PITPNM3: variants seen among roughly 807,000 people sequenced by gnomAD.
The protein encoded by PITPNM3 is membrane-associated phosphatidylinositol transfer protein 3.
In PITPNM3, 26 loss-of-function variants were observed where a neutral mutation model predicts 102.0. The observed-to-expected ratio is 0.25, with a 90% CI of 0.19 to 0.35. The LOEUF (loss-of-function observed/expected upper bound fraction) is 0.35. Among genes scored for constraint, PITPNM3 ranks in the 10% least tolerant of loss-of-function variants. PITPNM3 has a pLI of 1.00. For missense variants in PITPNM3, 1,083 were observed against 1,346.1 expected, an observed-to-expected ratio of 0.80 and a Z score of 3.06; for synonymous variants, 578 against 558.6, an observed-to-expected ratio of 1.03 and a Z score of -0.49.
Position 6,468,191 on chromosome 17 carries a change from G to A in PITPNM3, c.1890+34C>T. On this transcript the variant is annotated intron_variant, in intron 14 of 19. Transcript: ENST00000262483. This position sits in a 1 kb window ranked among gnomAD's most constrained non-coding sequence, Gnocchi z 5.2. ...CCAGCCCCACCTCCCGGAGGACACAGTCCCAGCCACATGCGAACTGAGCAT... is the reference window on the plus strand; with the variant it reads ...CCAGCCCCACCTCCCGGAGGACACAATCCCAGCCACATGCGAACTGAGCAT... 1 of 1,601,362 alleles carries A rather than the reference G, an allele frequency of 6.2e-7. No individual in the cohort carries two copies. Among genetic ancestry groups the A allele is most frequent in the East Asian group, 2.2e-5 (1 of 44,838 alleles).
chr17:6,462,079 C>T (rs1429208851), intron 17 of PITPNM3, among the ~76,000 whole-genome samples: 3 of 152,152 alleles, frequency 2.0e-5, no homozygotes, highest in African/African-American at 7.2e-5. Context: ...GCAGATTACT[C>T]AACCCTCCCC....
chr17:6,519,593 G>T lies in PITPNM3; in HGVS notation c.226+5763C>A, dbSNP rs191233715. On this transcript the variant is annotated intron_variant, in intron 3 of 19. Coordinates refer to ENST00000262483, the MANE Select transcript of PITPNM3 (RefSeq NM_031220.4). ...ACCTGTAATCCTAGCACTTTGGGAG[G>T]CCAAGTCGGGCAGATCACTTGAGGT... is the stretch of plus-strand genomic sequence containing the variant. Among the ~76,000 whole-genome samples, 739 of 151,956 alleles carry T rather than the reference G, an allele frequency of 4.9e-3. 10 individuals carry two copies. Among genetic ancestry groups the T allele is most frequent in the African/African-American group, 0.017 (704 of 41,442 alleles).
chr17:6,530,284 T>C (rs1909072850), intron 2 of PITPNM3, among the ~76,000 whole-genome samples: 1 of 152,228 alleles, frequency 6.6e-6, no homozygotes, highest in Non-Finnish European at 1.5e-5. Flanking sequence ...CAGATCAAAA[T>C]GAGAAGGCTT....
In PITPNM3 at chr17:6,517,322, A is replaced by G. The variant is rs1035757994; in HGVS notation, c.226+8034T>C. On this transcript the variant is annotated intron_variant, in intron 3 of 19. Transcript: ENST00000262483. This position sits in a 1 kb window ranked among gnomAD's most constrained non-coding sequence, Gnocchi z 4.1. ...AGGGGGAGGTGGCGGAGGAGTTGTC[A>G]CTGCCAAAGCCACCATGATGAGAAA... 1.3e-5 allele frequency among the ~76,000 whole-genome samples: 2 copies of G among 152,246 alleles called. No homozygotes were observed. The highest frequency in any genetic ancestry group is 4.8e-5 in the African/African-American group (2 of 41,466).
At chr17:6,522,839 G>C (rs1908614179) in intron 3 of PITPNM3, among the ~76,000 whole-genome samples, 1 of 152,058 alleles carries the variant, frequency 6.6e-6, no homozygotes, top group Non-Finnish European at 1.5e-5. Context: ...AGTAACCCCT[G>C]GCTCTGATCT....
chr17:6,525,149 C>T (rs1289707958), intron 3 of PITPNM3, among the ~76,000 whole-genome samples: 2 of 152,204 alleles, frequency 1.3e-5, no homozygotes, highest in Admixed American at 1.3e-4. Flanking sequence ...TTGAAGTAGG[C>T]TGGAGCTTTT....
At chr17:6,464,146 C>A (rs1306221680) in intron 16 of PITPNM3, 24 bp downstream of exon 16, 5 of 1,614,116 alleles carry the variant, frequency 3.1e-6, no homozygotes, top group South Asian at 1.1e-5. Context: ...AGAAACCACC[C>A]TGAGAATGGC....
rs567332919 is a variant in PITPNM3 at position 6,457,530 on chromosome 17, C to G, written c.2619+64G>C. The G allele has an allele frequency of 3.0e-4, 473 of 1,585,492 alleles. 2 individuals carry two copies. The African/African-American group carries it at 5.6e-3, about 19-fold the overall frequency. ...AATGAATGAATGAATGAAGTGCTTA[C>G]TCCCTCTATCCCTTTCCCTGACCTC... On this transcript the variant is annotated intron_variant, in intron 19 of 19. Transcript: ENST00000262483. The surrounding 1 kb of genome is among the most constrained non-coding windows in gnomAD (Gnocchi z 4.7).
intron 6 of PITPNM3, among the ~76,000 whole-genome samples, chr17:6,482,595 T>G (rs1905808004): frequency 6.6e-6 from 1 of 152,182 alleles, no homozygotes; most frequent in South Asian, 2.1e-4. Flanking sequence ...GCAGCACAGA[T>G]AAAACAAACT....
Position 6,451,892 on chromosome 17 carries a change from C to CCCCAAG in PITPNM3, c.*3445_*3446insCTTGGG, listed in dbSNP as rs55984944. The CCCCAAG allele has an allele frequency of 1.1e-5, 1 of 94,446 alleles. No homozygotes were observed. The highest frequency in any genetic ancestry group is 2.2e-5 in the Non-Finnish European group (1 of 46,070). 5.9% of individuals were successfully genotyped at this position (94,446 alleles called of 1,614,324 possible). ...ACCCAAACCCCCCCCCCCCGCCCGC[C>CCCCAAG]GATGGGATTCGGTGGGAAAGTTGGT... On this transcript the variant is annotated 3_prime_UTR_variant, in exon 20 of 20. Coordinates refer to ENST00000262483, the MANE Select transcript of PITPNM3 (RefSeq NM_031220.4).
chr17:6,524,196 G>T (rs1908695948), intron 3 of PITPNM3, among the ~76,000 whole-genome samples: 1 of 152,230 alleles, frequency 6.6e-6, no homozygotes, highest in Non-Finnish European at 1.5e-5. Context: ...GCTGGGCCAG[G>T]ACCATCTCAC....
At chr17:6,530,976 C>T (rs1025523298) in intron 2 of PITPNM3, among the ~76,000 whole-genome samples, 37 of 152,178 alleles carry the variant, frequency 2.4e-4, no homozygotes, top group Non-Finnish European at 4.4e-5. Flanking sequence ...CACTGGCCCA[C>T]GGCCATGCAG....
In PITPNM3 at chr17:6,543,202, C is replaced by T. The variant is rs111919754; in HGVS notation, c.23-5120G>A. The stretch of plus-strand genomic sequence containing the variant: ...AGCCATCCCCACTCCCTCTCCTGGC[C>T]CCGATACCCACCACCTCAGGTCCAG... On this transcript the variant is annotated intron_variant, in intron 1 of 19. Coordinates refer to ENST00000262483, the MANE Select transcript of PITPNM3 (RefSeq NM_031220.4). Among the ~76,000 whole-genome samples, 1,343 of 152,312 alleles carry T rather than the reference C, an allele frequency of 8.8e-3. 18 individuals carry two copies. The highest frequency in any genetic ancestry group is 0.03 in the African/African-American group (1,254 of 41,566).
intron 4 of PITPNM3, among the ~76,000 whole-genome samples, chr17:6,498,058 C>T (rs1567677083): frequency 6.6e-6 from 1 of 152,178 alleles, no homozygotes; most frequent in Non-Finnish European, 1.5e-5. Flanking sequence ...GTTACTGCCC[C>T]TTTGAGACAA....
intron 1 of PITPNM3, among the ~76,000 whole-genome samples, chr17:6,543,298 T>C (rs1047894817): frequency 2.6e-5 from 4 of 152,122 alleles, no homozygotes; most frequent in Non-Finnish European, 5.9e-5. Flanking sequence ...TCTGCTCAGA[T>C]CGTCAGCTCC....
At position 6,472,887 on chromosome 17, in the gene PITPNM3, G is replaced by A; in HGVS notation, c.1259-60C>T. 1 of 1,590,824 alleles carries A rather than the reference G, an allele frequency of 6.3e-7. No individual in the cohort carries two copies. Among genetic ancestry groups the A allele is most frequent in the South Asian group, 1.1e-5 (1 of 89,072 alleles). On this transcript the variant is annotated intron_variant, in intron 10 of 19. Coordinates refer to ENST00000262483, the MANE Select transcript of PITPNM3 (RefSeq NM_031220.4). The surrounding 1 kb of genome is among the most constrained non-coding windows in gnomAD (Gnocchi z 4.1). ...TCTAGTACCTGCTCCCTGGGCCCTAGGAGGCTCCCTGGAATGCAGCCTGGA... is the reference window on the plus strand; with the variant it reads ...TCTAGTACCTGCTCCCTGGGCCCTAAGAGGCTCCCTGGAATGCAGCCTGGA...
intron 2 of PITPNM3, among the ~76,000 whole-genome samples, chr17:6,527,555 G>T (rs904715005): frequency 1.3e-5 from 2 of 152,154 alleles, no homozygotes; most frequent in African/African-American, 4.8e-5. Flanking sequence ...TCCTGCTGTT[G>T]TTGGCCCCTA....
At chr17:6,533,956 C>G (rs1179729486) in intron 2 of PITPNM3, among the ~76,000 whole-genome samples, 2 of 152,282 alleles carry the variant, frequency 1.3e-5, no homozygotes, top group South Asian at 4.1e-4. Context: ...ATTCTAGCTC[C>G]CGCTCTGCCT....
chr17:6,555,097 C>T (rs1475151941), intron 1 of PITPNM3, among the ~76,000 whole-genome samples: 3 of 152,242 alleles, frequency 2.0e-5, no homozygotes, highest in East Asian at 3.9e-4. Flanking sequence ...GGCAAGAAGC[C>T]TTTTTCAGCT....
Sources: allele counts gnomAD v4.1 joint callset (sites outside exome capture counted in the v4.1 genomes callset), GRCh38; gene constraint gnomAD v4.1.1; non-coding constraint Gnocchi (gnomAD v3.1); transcripts MANE v1.5; gene names NCBI Gene and HGNC (gene_info 2026-07-23, HGNC 2026-07-21).